Variants in NPAS3 observed in about 807,000 individuals in gnomAD.
NPAS3 encodes neuronal PAS domain-containing protein 3.
Under a neutral mutation model 73.1 loss-of-function variants are expected in NPAS3, and 14 were observed. That is an observed-to-expected ratio of 0.19 (90% CI 0.13 to 0.30). The LOEUF is 0.30. Among genes scored for constraint, NPAS3 ranks in the 10% least tolerant of loss-of-function variants. The pLI is 1.00. For missense variants in NPAS3, 1,096 were observed against 1,250.0 expected (o/e 0.88, Z 1.86); for synonymous variants, 620 against 541.5 (o/e 1.14, Z -2.01).
chr14:33,651,857 G>T (rs1369961998), intron 5 of NPAS3, among the ~76,000 whole-genome samples: 4 of 152,074 alleles, frequency 2.6e-5, no homozygotes, highest in Non-Finnish European at 5.9e-5. Context: ...AACATTTCTA[G>T]TGGGCAAAAA....
chr14:33,151,295 C>A (rs2044435064), intron 2 of NPAS3, among the ~76,000 whole-genome samples: 1 of 152,190 alleles, frequency 6.6e-6, no homozygotes, highest in Non-Finnish European at 1.5e-5. Context: ...CCCAGGAGAA[C>A]TACTGGAGGA....
intron 5 of NPAS3, among the ~76,000 whole-genome samples, chr14:33,562,917 A>ACACACACACACACC (rs796283021): frequency 5.3e-5 from 8 of 151,762 alleles, no homozygotes; most frequent in Non-Finnish European, 7.4e-5. Context: ...ACACACACAC[A>ACACACACACACACC]CCCTTAATCA....
intron 2 of NPAS3, among the ~76,000 whole-genome samples, chr14:33,211,746 G>A (rs1014263600): frequency 5.9e-5 from 9 of 151,994 alleles, no homozygotes; most frequent in African/African-American, 1.2e-4. Context: ...AATTATTGAC[G>A]TTGTTTTTGT....
chr14:33,425,353 A>G (rs1319906542), intron 4 of NPAS3, among the ~76,000 whole-genome samples: 1 of 152,034 alleles, frequency 6.6e-6, no homozygotes, highest in African/African-American at 2.4e-5. Context: ...ATGTTTTTAG[A>G]TGGCCAGGAG....
At chr14:33,037,089 A>G (rs77796835) in intron 1 of NPAS3, among the ~76,000 whole-genome samples, 7,934 of 152,274 alleles carry the variant, frequency 0.052, 244 homozygotes, top group Non-Finnish European at 0.062. Context: ...GAAAGCTCAT[A>G]CTGTCGCTTG....
intron 5 of NPAS3, among the ~76,000 whole-genome samples, chr14:33,564,152 A>G (rs2055803535): frequency 6.6e-6 from 1 of 152,228 alleles, no homozygotes; most frequent in African/African-American, 2.4e-5. Context: ...ACCACATAGT[A>G]GGAAAACACA....
intron 4 of NPAS3, among the ~76,000 whole-genome samples, chr14:33,523,637 G>T (rs146571383): frequency 6.6e-6 from 1 of 151,600 alleles, no homozygotes; most frequent in South Asian, 2.1e-4. Context: ...AAAAATAGCC[G>T]GGCGTGGTGG....
intron 3 of NPAS3, among the ~76,000 whole-genome samples, chr14:33,299,505 A>G (rs1317678837): frequency 6.6e-6 from 1 of 152,190 alleles, no homozygotes; most frequent in African/African-American, 2.4e-5. Context: ...CCCACCAAGT[A>G]GAAAGAGCTG....
Position 33,180,359 on chromosome 14 carries a change from C to T in NPAS3, c.141-34823C>T, listed in dbSNP as rs549772670. Among the ~76,000 whole-genome samples, 163 of 136,044 alleles carry T rather than the reference C, an allele frequency of 1.2e-3. 1 individual carries two copies. Among genetic ancestry groups the T allele is most frequent in the African/African-American group, 4.0e-3 (154 of 38,756 alleles). 89.3% of individuals were successfully genotyped at this position (136,044 alleles called of 152,430 possible). Reference sequence around the variant, plus strand: ...ACCTGTCTGTGGCACTATCACTGCACCATTCTGTTAAATAAGAGAAGAAGG... The same window carrying T: ...ACCTGTCTGTGGCACTATCACTGCATCATTCTGTTAAATAAGAGAAGAAGG... On this transcript the variant is annotated intron_variant, in intron 2 of 11. Coordinates refer to ENST00000356141, the Ensembl canonical transcript of NPAS3.
At position 33,157,596 on chromosome 14, in the gene NPAS3, A is replaced by G. The variant is rs186705360; in HGVS notation, c.141-57586A>G. Among the ~76,000 whole-genome samples the G allele has an allele frequency of 5.9e-5, 9 of 152,362 alleles. No individual in the cohort carries two copies. In the East Asian group the frequency reaches 1.3e-3, roughly 23 times the overall value. ...ATATGCATTCTTTTTGTGGTCAAGA[A>G]AGAGAAAAAAAATTAGAGCTTGTAA... On this transcript the variant is annotated intron_variant, in intron 2 of 11. Coordinates refer to ENST00000356141, the Ensembl canonical transcript of NPAS3.
rs185267778 is a variant in NPAS3, at chr14:33,450,608, T to A, written c.468+83340T>A. The stretch of plus-strand genomic sequence containing the variant: ...CTTCATGGAATCTTTCCTTAAATAC[T>A]GTTGTTATTTCGCTGCCAGATTGCT... On this transcript the variant is annotated intron_variant, in intron 4 of 11. Transcript: ENST00000356141. 5.3e-4 allele frequency among the ~76,000 whole-genome samples: 80 copies of A among 152,350 alleles called. 1 individual carries two copies. Among genetic ancestry groups the A allele is most frequent in the Middle Eastern group, 3.4e-3 (1 of 294 alleles).
intron 3 of NPAS3, among the ~76,000 whole-genome samples, chr14:33,335,402 T>C (rs532981130): frequency 2.0e-5 from 3 of 152,270 alleles, no homozygotes; most frequent in Admixed American, 6.5e-5. Context: ...TGGGGGATTC[T>C]CCCTGCTTTT....
At chr14:33,377,934 G>A (rs2046378133) in intron 4 of NPAS3, among the ~76,000 whole-genome samples, 1 of 152,194 alleles carries the variant, frequency 6.6e-6, no homozygotes, top group Non-Finnish European at 1.5e-5. Context: ...TGGATAATGA[G>A]TGATGATTTT....
chr14:33,464,014 T>C (rs1181613109), intron 4 of NPAS3, among the ~76,000 whole-genome samples: 1 of 152,168 alleles, frequency 6.6e-6, no homozygotes, highest in Admixed American at 6.6e-5. Flanking sequence ...CTGCTGAGTG[T>C]GCCCGCCTCC....
intron 5 of NPAS3, among the ~76,000 whole-genome samples, chr14:33,561,471 T>C (rs1277393016): frequency 3.3e-5 from 5 of 152,318 alleles, no homozygotes; most frequent in Admixed American, 6.5e-5. Flanking sequence ...TGTGGAGTAA[T>C]TCTATTTTAT....
chr14:33,009,078 T>C (rs4982032), intron 1 of NPAS3, among the ~76,000 whole-genome samples: 3 of 152,008 alleles, frequency 2.0e-5, no homozygotes, highest in Non-Finnish European at 2.9e-5. Flanking sequence ...AACGTAAAAA[T>C]AATCTTGTTT....
intron 4 of NPAS3, among the ~76,000 whole-genome samples, chr14:33,485,786 T>C (rs1309198611): frequency 6.6e-6 from 1 of 152,170 alleles, no homozygotes; most frequent in African/African-American, 2.4e-5. Flanking sequence ...CCTTGGTTTC[T>C]TCTCTCCCCA....
At chr14:33,717,999 GT>G (rs149107903) in intron 6 of NPAS3, among the ~76,000 whole-genome samples, 136 of 147,098 alleles carry the variant, frequency 9.2e-4, no homozygotes, top group African/African-American at 2.1e-3. Context: ...TTTGTAATGG[GT>G]TTTTTTTTTT....
intron 4 of NPAS3, among the ~76,000 whole-genome samples, chr14:33,390,018 G>T (rs943203677): frequency 6.8e-6 from 1 of 147,914 alleles, no homozygotes; most frequent in Non-Finnish European, 1.5e-5. Context: ...TTATTCTTCA[G>T]ATGTCATCTA....
Sources: gnomAD v4.1 joint callset for allele counts (sites outside exome capture counted in the v4.1 genomes callset) on GRCh38, gnomAD v4.1.1 for gene constraint, MANE v1.5 for transcripts, NCBI Gene and HGNC (gene_info 2026-07-23, HGNC 2026-07-21) for gene names.